CCNH: variants seen among roughly 807,000 people sequenced by gnomAD.
CCNH encodes the protein cyclin-H.
In CCNH, 31 loss-of-function variants were observed where a neutral mutation model predicts 41.9. The ratio of observed to expected loss-of-function variants is 0.74; its 90% CI spans 0.56 to 1.00. CCNH has a LOEUF of 1.00. CCNH is among the 50% of genes least tolerant of loss of function. The pLI, the probability that CCNH is intolerant of heterozygous loss-of-function variation, is 0.00. For synonymous variants in CCNH, 138 were observed against 136.1 expected, an observed-to-expected ratio of 1.01 and a Z score of -0.10; for missense variants, 362 against 388.4, an observed-to-expected ratio of 0.93 and a Z score of 0.57.
intron 9 of CCNH, among the ~76,000 whole-genome samples, chr5:87,361,658 G>T (rs1760101241): frequency 6.6e-6 from 1 of 152,112 alleles, no homozygotes; most frequent in Admixed American, 6.5e-5. Context: ...AGGAGATTTA[G>T]CAATTAATGT....
At chr5:87,378,525 A>G, upstream of CCNH, 1 of 1,610,306 alleles carries the variant, frequency 6.2e-7, no homozygotes, top group Non-Finnish European at 8.5e-7. Context: ...ATGGAAAGCA[A>G]GCAGTCTTGT....
chr5:87,377,525 C>T (rs559721287), upstream of CCNH, among the ~76,000 whole-genome samples: 550 of 152,010 alleles, frequency 3.6e-3, 1 homozygote, highest in South Asian at 7.5e-3. Flanking sequence ...TTAGTAGAGA[C>T]GGGTTTTCAC....
downstream of CCNH, chr5:87,386,742 A>T: frequency 8.3e-7 from 1 of 1,210,136 alleles, no homozygotes; most frequent in Non-Finnish European, 1.2e-6. Flanking sequence ...TTTTGCTGTT[A>T]ACTGTAATTA....
chr5:87,341,523 T>C (rs2112398831), intron 9 of CCNH, among the ~76,000 whole-genome samples: 2 of 152,254 alleles, frequency 1.3e-5, no homozygotes, highest in South Asian at 4.1e-4. Context: ...AGCTGATAAC[T>C]AAATATAACT....
chr5:87,328,031 G>GT (rs1159032865), intron 9 of CCNH, among the ~76,000 whole-genome samples: 1 of 150,786 alleles, frequency 6.6e-6, no homozygotes, highest in Non-Finnish European at 1.5e-5. Flanking sequence ...TTTTTGTTTT[G>GT]TTTTTTACAT....
downstream of CCNH, chr5:87,391,912 T>C (rs748037777): frequency 1.1e-4 from 26 of 227,860 alleles, no homozygotes; most frequent in Non-Finnish European, 2.2e-4. Context: ...AAGGGATATC[T>C]TGCATAATTG....
At chr5:87,369,371 G>T (rs531692518) in intron 9 of CCNH, among the ~76,000 whole-genome samples, 52 of 152,206 alleles carry the variant, frequency 3.4e-4, no homozygotes, top group Non-Finnish European at 6.0e-4. Flanking sequence ...AACAGGTGAA[G>T]AAAAATGATC....
chr5:87,411,421 T>G, intron 1 of CCNH, 75 bp from the exon 2 acceptor site: 1 of 1,431,042 alleles, frequency 7.0e-7, no homozygotes, highest in Non-Finnish European at 9.4e-7. Flanking sequence ...TTTCTCTATC[T>G]AGATTAAATT....
intron 9 of CCNH, among the ~76,000 whole-genome samples, chr5:87,385,852 T>C (rs956917217): frequency 3.9e-5 from 6 of 152,086 alleles, no homozygotes; most frequent in Non-Finnish European, 7.4e-5. Flanking sequence ...TCTTGCCATA[T>C]GTGGAAATAG....
intron 4 of CCNH, among the ~76,000 whole-genome samples, chr5:87,407,378 A>G (rs879566618): frequency 6.6e-6 from 1 of 152,190 alleles, no homozygotes; most frequent in Non-Finnish European, 1.5e-5. Flanking sequence ...AGGTACCCAA[A>G]TTGAGCCACT....
downstream of CCNH, among the ~76,000 whole-genome samples, chr5:87,317,201 T>G (rs959718006): frequency 6.6e-6 from 1 of 152,158 alleles, no homozygotes; most frequent in Non-Finnish European, 1.5e-5. Flanking sequence ...AAATTTGTGG[T>G]AACTTCATCT....
chr5:87,331,752 A>T (rs1162622759), intron 9 of CCNH, among the ~76,000 whole-genome samples: 2 of 152,200 alleles, frequency 1.3e-5, no homozygotes, highest in Non-Finnish European at 1.5e-5. Flanking sequence ...AAGTATAAAG[A>T]ATTACAAATA....
At chr5:87,363,454 A>G in intron 9 of CCNH, 1 of 1,612,376 alleles carries the variant, frequency 6.2e-7, no homozygotes, top group Non-Finnish European at 8.5e-7. Context: ...AAGGATTAAT[A>G]GATCTCAGTG....
exon 1 of CCNH, chr5:87,377,108 C>T: frequency 1.3e-6 from 2 of 1,508,590 alleles, no homozygotes; most frequent in Non-Finnish European, 1.8e-6. Flanking sequence ...GATATATGGA[C>T]TCTATCTCTG....
At chr5:87,407,866 G>A in intron 4 of CCNH, 110 bp downstream of exon 4, 1 of 779,684 alleles carries the variant, frequency 1.3e-6, no homozygotes, top group East Asian at 2.6e-5. Flanking sequence ...CCCACAGGTT[G>A]TATCCATGCT....
At chr5:87,363,160 G>A (rs1356892308) in intron 9 of CCNH, among the ~76,000 whole-genome samples, 1 of 151,508 alleles carries the variant, frequency 6.6e-6, no homozygotes, top group Non-Finnish European at 1.5e-5. Flanking sequence ...ATTAAAACAA[G>A]TAATATAACA....
At chr5:87,404,707 T>C in intron 5 of CCNH, 137 bp downstream of exon 5, 1 of 677,582 alleles carries the variant, frequency 1.5e-6, no homozygotes. Context: ...AAAGATTTCC[T>C]CAAAAGGCAA....
At chr5:87,341,657 T>C (rs1758472981) in intron 9 of CCNH, among the ~76,000 whole-genome samples, 2 of 152,162 alleles carry the variant, frequency 1.3e-5, no homozygotes, top group Non-Finnish European at 2.9e-5. Context: ...TTTCTTGTTT[T>C]ATAGCCACAT....
chr5:87,338,501 T>TTTTATA (rs1328662827), intron 9 of CCNH, among the ~76,000 whole-genome samples: 1 of 75,682 alleles, frequency 1.3e-5, no homozygotes, highest in African/African-American at 4.9e-5. Context: ...CCAGCTAATT[T>TTTTATA]TATATATATA....
Sources: allele counts gnomAD v4.1 joint callset (sites outside exome capture counted in the v4.1 genomes callset), GRCh38; gene constraint gnomAD v4.1.1; transcripts MANE v1.5; gene names NCBI Gene and HGNC (gene_info 2026-07-23, HGNC 2026-07-21).